Variants in ZMYM5 observed in about 807,000 individuals in gnomAD.
The protein encoded by ZMYM5 is zinc finger MYM-type containing 5.
In ZMYM5, 41 loss-of-function variants were observed where a neutral mutation model predicts 61.8. That is an observed-to-expected ratio of 0.66 (90% CI 0.52 to 0.86). The LOEUF is 0.86. Among genes scored for constraint, ZMYM5 ranks in the 40% least tolerant of loss-of-function variants. The probability of loss-of-function intolerance (pLI) is 0.00; values close to 1 mark genes in which losing one functional copy is unlikely to be tolerated. For missense variants in ZMYM5, 706 were observed against 786.7 expected (o/e 0.90, Z 1.23); for synonymous variants, 257 against 276.4 (o/e 0.93, Z 0.70).
intron 7 of ZMYM5, among the ~76,000 whole-genome samples, chr13:19,831,339 G>T (rs1049022361): frequency 6.6e-6 from 1 of 151,694 alleles, no homozygotes. Context: ...TGCCCAGGCT[G>T]CTCTCCAACT....
At chr13:19,849,196 C>T (rs533171552) in intron 4 of ZMYM5, among the ~76,000 whole-genome samples, 7 of 152,208 alleles carry the variant, frequency 4.6e-5, no homozygotes, top group East Asian at 1.9e-4. Context: ...AGGATTAAAG[C>T]GCAATGTGAC....
intron 4 of ZMYM5, among the ~76,000 whole-genome samples, chr13:19,844,002 G>A (rs1952987113): frequency 6.6e-6 from 1 of 151,864 alleles, no homozygotes; most frequent in Non-Finnish European, 1.5e-5. Context: ...GGTGGACGTG[G>A]TGGCAGGCGC....
At chr13:19,825,417 G>A (rs1228902381) in intron 7 of ZMYM5, among the ~76,000 whole-genome samples, 182 bp from the exon 8 acceptor site, 1 of 152,100 alleles carries the variant, frequency 6.6e-6, no homozygotes, top group Non-Finnish European at 1.5e-5. Context: ...GGCCAAGGTG[G>A]ATGGATCATT....
chr13:19,824,786 A>T lies in ZMYM5; in HGVS notation c.1701T>A (p.Ile567=), dbSNP rs765812108. 2 of 1,357,090 alleles carry T rather than the reference A, an allele frequency of 1.5e-6. No homozygotes were observed. Among genetic ancestry groups the T allele is most frequent in the South Asian group, 1.2e-5 (1 of 86,578 alleles). 84.1% of individuals were successfully genotyped at this position (1,357,090 alleles called of 1,614,324 possible). The change falls in exon 8 of 8, where the codon ATT becomes ATA. Residue 567 remains isoleucine, a synonymous_variant. Transcript: ENST00000337963. ...TAGTGGTTTTTTCACCATTTGGAAG[A>T]ATCCGTGTATAATAAGTTTCTGAAA... ...RKFSETYYTR[I]LPNGEKTTRS...
intron 7 of ZMYM5, among the ~76,000 whole-genome samples, chr13:19,833,690 G>A (rs1952590104): frequency 6.6e-6 from 1 of 152,112 alleles, no homozygotes; most frequent in Admixed American, 6.6e-5. Context: ...TGTAATTTTG[G>A]TGGGCAAAGA....
In ZMYM5 at chr13:19,835,530, CA is replaced by C; in HGVS notation, c.1197del (p.Ile399MetfsTer20). The C allele has an allele frequency of 7.3e-7, 1 of 1,367,700 alleles. No individual in the cohort carries two copies. The highest frequency in any genetic ancestry group is 9.8e-7 in the Non-Finnish European group (1 of 1,021,844). The allele number at this position is 1,367,700 out of a possible 1,614,324, so 84.7% of individuals were successfully genotyped here. Reference protein sequence around the residue: ...SKSTGNNILVIGGQQKRFCCQ... With the variant: ...SKSTGNNILVXGGQQKRFCCQ... ...CAGCAAAATCTCTTCTGCTGACCTCCAATCACCAGGATGTTGTTTCCAGTAC... is the reference window on the plus strand; with the variant it reads ...CAGCAAAATCTCTTCTGCTGACCTCCATCACCAGGATGTTGTTTCCAGTAC... On this transcript the variant is annotated frameshift_variant, in exon 7 of 8. Coordinates refer to ENST00000337963, the MANE Select transcript of ZMYM5 (RefSeq NM_001142684.2). LOFTEE classifies it high-confidence loss of function.
intron 2 of ZMYM5, among the ~76,000 whole-genome samples, chr13:19,861,130 A>C (rs1457788567): frequency 1.3e-5 from 2 of 151,986 alleles, no homozygotes; most frequent in Admixed American, 6.6e-5. Flanking sequence ...TACAGGAGTG[A>C]GTCACAGTGC....
intron 4 of ZMYM5, among the ~76,000 whole-genome samples, chr13:19,839,393 C>CT (rs879537886): frequency 1.4e-3 from 203 of 145,964 alleles, no homozygotes; most frequent in Middle Eastern, 3.6e-3. Context: ...ATATTAGCTA[C>CT]TTTTTTTTTT....
Position 19,824,206 on chromosome 13 carries a change from A to G in ZMYM5, c.*271T>C, listed in dbSNP as rs1890795498. On this transcript the variant is annotated 3_prime_UTR_variant, in exon 8 of 8. Coordinates refer to ENST00000337963, the MANE Select transcript of ZMYM5 (RefSeq NM_001142684.2). ...AATGCCAATTTTTAAATAGGTGTAA[A>G]TTGATAGATTTTGAAGATTAACAAT... 1 of 163,090 alleles carries G rather than the reference A, an allele frequency of 6.1e-6. No individual in the cohort carries two copies. The highest frequency in any genetic ancestry group is 6.4e-5 in the Admixed American group (1 of 15,526). The allele number at this position is 163,090 out of a possible 1,614,324, so 10.1% of individuals were successfully genotyped here.
At chr13:19,844,137 C>CA (rs1228066138) in intron 4 of ZMYM5, among the ~76,000 whole-genome samples, 2,213 of 65,168 alleles carry the variant, frequency 0.034, 66 homozygotes, top group African/African-American at 0.068. Context: ...GACTCCGTCT[C>CA]AAAAAAAAAA....
intron 2 of ZMYM5, among the ~76,000 whole-genome samples, chr13:19,859,600 GGTTTCACCGT>G (rs1168479580): frequency 1.3e-5 from 2 of 151,336 alleles, no homozygotes; most frequent in Non-Finnish European, 2.9e-5. Context: ...GTAAAGATGG[GGTTTCACCGT>G]GTTAGCCAGG....
At chr13:19,829,247 TTAAAA>T (rs1407189064) in intron 7 of ZMYM5, among the ~76,000 whole-genome samples, 2 of 152,148 alleles carry the variant, frequency 1.3e-5, no homozygotes, top group African/African-American at 2.4e-5. Context: ...TTACAACCTT[TTAAAA>T]TAAAAATAAA....
intron 2 of ZMYM5, among the ~76,000 whole-genome samples, chr13:19,857,559 G>T (rs1018818465): frequency 2.0e-5 from 3 of 152,162 alleles, no homozygotes; most frequent in African/African-American, 7.2e-5. Context: ...ACCACAAATA[G>T]CAAGAGAATT....
At chr13:19,847,803 ATTTTTTTTTT>A (rs34176871) in intron 4 of ZMYM5, among the ~76,000 whole-genome samples, 95 of 79,892 alleles carry the variant, frequency 1.2e-3, no homozygotes, top group South Asian at 2.9e-3. Flanking sequence ...TGCCCGGCTA[ATTTTTTTTTT>A]TTTTTTTTTT....
intron 4 of ZMYM5, among the ~76,000 whole-genome samples, chr13:19,846,562 G>A (rs1009480616): frequency 2.0e-5 from 3 of 151,576 alleles, no homozygotes; most frequent in Admixed American, 2.0e-4. Context: ...AAAAAAAAAA[G>A]GCGAATTTTT....
At position 19,835,489 on chromosome 13, in the gene ZMYM5, GT is replaced by G. The variant is rs1800524980; in HGVS notation, c.1238del (p.Asn413ThrfsTer6). 7.3e-7 allele frequency: 1 copy of G among 1,367,104 alleles called. No homozygotes were observed. 84.7% of individuals were successfully genotyped at this position (1,367,104 alleles called of 1,614,324 possible). On this transcript the variant is annotated frameshift_variant, in exon 7 of 8. Coordinates refer to ENST00000337963, the MANE Select transcript of ZMYM5 (RefSeq NM_001142684.2). LOFTEE classifies it high-confidence loss of function. ...QKRFCCQSCI[N>X]EYKQMMETKS... is the part of the protein sequence containing the mutation. ...GAAAAAGAATTACCTGTTTATATTC[GT>G]TAATACAACTTTGGCAGCAAAATCT... is the stretch of plus-strand genomic sequence containing the variant.
At position 19,851,896 on chromosome 13, in the gene ZMYM5, A is replaced by G. The variant is rs534182673; in HGVS notation, c.285T>C (p.Asn95=). The part of the protein sequence containing the change: ...ASSKNEKPQG[N]YSVIPPSSRD... ...TTGAAGAAGGAGGAATTACAGAATA[A>G]TTTCCTTGAGGCTTTTCATTTTTTG... is the stretch of plus-strand genomic sequence containing the variant. Residue 95 remains asparagine, a synonymous_variant, in exon 3 of 8, where the codon AAT becomes AAC. Transcript: ENST00000337963. 1 of 1,612,566 alleles carries G rather than the reference A, an allele frequency of 6.2e-7. No individual in the cohort carries two copies. The highest frequency in any genetic ancestry group is 2.2e-5 in the East Asian group (1 of 44,864).
intron 6 of ZMYM5, among the ~76,000 whole-genome samples, chr13:19,836,812 A>G (rs1220857262): frequency 6.6e-6 from 1 of 152,144 alleles, no homozygotes; most frequent in African/African-American, 2.4e-5. Flanking sequence ...TTTAGTTACC[A>G]AAGACTTTTA....
intron 4 of ZMYM5, among the ~76,000 whole-genome samples, chr13:19,844,541 C>T (rs1042792901): frequency 4.9e-4 from 74 of 152,256 alleles, no homozygotes; most frequent in African/African-American, 1.6e-3. Flanking sequence ...CAATGACATG[C>T]AAATTATGAT....
Sources: allele counts gnomAD v4.1 joint callset (sites outside exome capture counted in the v4.1 genomes callset), GRCh38; gene constraint gnomAD v4.1.1; transcripts MANE v1.5; gene names NCBI Gene and HGNC (gene_info 2026-07-23, HGNC 2026-07-21).